The following NKAIN2 variants were observed in gnomAD, a reference collection of about 807,000 sequenced individuals.
NKAIN2 encodes the protein sodium/potassium transporting ATPase interacting 2.
In NKAIN2, 14 loss-of-function variants were observed where a neutral mutation model predicts 32.6. That is an observed-to-expected ratio of 0.43 (90% CI 0.28 to 0.67). The LOEUF is 0.67. NKAIN2 is among the 30% of genes least tolerant of loss of function. NKAIN2 has a pLI of 0.17. For missense variants in NKAIN2, 198 were observed against 258.3 expected, an observed-to-expected ratio of 0.77 and a Z score of 1.60; for synonymous variants, 80 against 87.2, an observed-to-expected ratio of 0.92 and a Z score of 0.46.
intron 1 of NKAIN2, among the ~76,000 whole-genome samples, chr6:123,968,727 C>T (rs548570267): frequency 2.6e-5 from 4 of 152,106 alleles, no homozygotes; most frequent in Admixed American, 1.3e-4. Context: ...AGTCTGCTTC[C>T]GCTATTCTTT....
chr6:124,576,568 T>A (rs149769085), intron 3 of NKAIN2, among the ~76,000 whole-genome samples: 48 of 152,296 alleles, frequency 3.2e-4, no homozygotes, highest in African/African-American at 1.1e-3. Context: ...GGCAGCGTGT[T>A]AACATTTGGA....
intron 1 of NKAIN2, among the ~76,000 whole-genome samples, chr6:124,274,889 TACAC>T (rs1375455204): frequency 7.9e-5 from 12 of 152,014 alleles, no homozygotes; most frequent in Admixed American, 7.2e-4. Flanking sequence ...CGATTAGGCA[TACAC>T]ACACACTCAC....
intron 4 of NKAIN2, among the ~76,000 whole-genome samples, chr6:124,659,501 A>G (rs200255363): frequency 2.0e-5 from 3 of 150,416 alleles, no homozygotes; most frequent in Non-Finnish European, 3.0e-5. Context: ...GTGTGTGCTT[A>G]TGTGTGTGTG....
At chr6:123,986,705 CACATCTAAG>C (rs1239203695) in intron 1 of NKAIN2, among the ~76,000 whole-genome samples, 1 of 152,138 alleles carries the variant, frequency 6.6e-6, no homozygotes, top group Non-Finnish European at 1.5e-5. Context: ...AATTCCCATT[CACATCTAAG>C]ACTGAAAAAC....
chr6:124,064,568 C>T (rs1047956233), intron 1 of NKAIN2, among the ~76,000 whole-genome samples: 5 of 152,014 alleles, frequency 3.3e-5, no homozygotes, highest in African/African-American at 1.2e-4. Flanking sequence ...ATCTATTTCT[C>T]TAGGCAACGG....
intron 4 of NKAIN2, among the ~76,000 whole-genome samples, chr6:124,732,713 GA>G (rs547672925): frequency 2.1e-4 from 32 of 151,906 alleles, no homozygotes; most frequent in Non-Finnish European, 4.6e-4. Context: ...TTACCTTTGG[GA>G]GAAACTGTGT....
At chr6:124,098,256 G>A (rs1784727004) in intron 1 of NKAIN2, among the ~76,000 whole-genome samples, 1 of 152,148 alleles carries the variant, frequency 6.6e-6, no homozygotes, top group Non-Finnish European at 1.5e-5. Flanking sequence ...GAATTGCAAA[G>A]CATGATTTTC....
intron 1 of NKAIN2, among the ~76,000 whole-genome samples, chr6:124,178,158 A>G (rs1455715289): frequency 6.6e-6 from 1 of 152,134 alleles, no homozygotes; most frequent in Admixed American, 6.5e-5. Context: ...AGAGGGCTTC[A>G]ATAGACTCCA....
chr6:123,940,433 ATGTGT>A, intron 1 of NKAIN2, among the ~76,000 whole-genome samples: 1 of 151,956 alleles, frequency 6.6e-6, no homozygotes, highest in Admixed American at 6.6e-5. Flanking sequence ...GGATTGAGAA[ATGTGT>A]TGTGACATGA....
At chr6:124,682,466 T>C (rs1773668871) in intron 4 of NKAIN2, among the ~76,000 whole-genome samples, 1 of 152,140 alleles carries the variant, frequency 6.6e-6, no homozygotes, top group Non-Finnish European at 1.5e-5. Flanking sequence ...TTTATTAGCT[T>C]TTAGATTTTG....
chr6:124,216,496 A>G (rs544533672), intron 1 of NKAIN2, among the ~76,000 whole-genome samples: 3 of 152,346 alleles, frequency 2.0e-5, no homozygotes, highest in East Asian at 3.9e-4. Context: ...AAGCCAAGCA[A>G]CACTCTGCCT....
At chr6:124,247,510 T>C (rs1344188264) in intron 1 of NKAIN2, among the ~76,000 whole-genome samples, 1 of 152,116 alleles carries the variant, frequency 6.6e-6, no homozygotes, top group Non-Finnish European at 1.5e-5. Context: ...ATCTATATGA[T>C]ATTGGTATAT....
intron 3 of NKAIN2, among the ~76,000 whole-genome samples, chr6:124,587,626 C>T (rs912540650): frequency 6.6e-6 from 1 of 152,128 alleles, no homozygotes; most frequent in Non-Finnish European, 1.5e-5. Flanking sequence ...TGGCCCCAGG[C>T]CCAGGGCCAG....
At chr6:124,813,777 T>C (rs1431441965) in intron 5 of NKAIN2, among the ~76,000 whole-genome samples, 1 of 152,138 alleles carries the variant, frequency 6.6e-6, no homozygotes, top group Non-Finnish European at 1.5e-5. Flanking sequence ...ATTTGGGGAA[T>C]TTAGTTTATT....
At chr6:123,990,834 G>C (rs377762243) in intron 1 of NKAIN2, among the ~76,000 whole-genome samples, 30 of 152,260 alleles carry the variant, frequency 2.0e-4, no homozygotes, top group African/African-American at 7.0e-4. Context: ...ATATTTTCTA[G>C]TGTGACCAGT....
intron 4 of NKAIN2, among the ~76,000 whole-genome samples, chr6:124,716,705 C>G (rs1475328021): frequency 6.6e-6 from 1 of 152,130 alleles, no homozygotes; most frequent in Non-Finnish European, 1.5e-5. Context: ...GACTAGAACC[C>G]TCTTCTCCTG....
chr6:124,522,281 AC>A (rs766622027), intron 3 of NKAIN2, among the ~76,000 whole-genome samples: 1 of 152,208 alleles, frequency 6.6e-6, no homozygotes, highest in Non-Finnish European at 1.5e-5. Flanking sequence ...AGAATATGTT[AC>A]TATTCAGCAT....
chr6:123,812,761 T>G (rs1218120847), intron 1 of NKAIN2, among the ~76,000 whole-genome samples: 1 of 152,232 alleles, frequency 6.6e-6, no homozygotes, highest in Non-Finnish European at 1.5e-5. Flanking sequence ...ATCCTCATAC[T>G]GACTTTTGTT....
At chr6:124,585,432 A>G (rs1190841755) in intron 3 of NKAIN2, among the ~76,000 whole-genome samples, 1 of 152,192 alleles carries the variant, frequency 6.6e-6, no homozygotes, top group East Asian at 1.9e-4. Context: ...ACAATAATTT[A>G]TGGTACATTT....
Sources: gnomAD v4.1 joint callset for allele counts (sites outside exome capture counted in the v4.1 genomes callset) on GRCh38, gnomAD v4.1.1 for gene constraint, MANE v1.5 for transcripts, NCBI Gene and HGNC (gene_info 2026-07-23, HGNC 2026-07-21) for gene names.